PREX1: variants seen among roughly 807,000 people sequenced by gnomAD.
PREX1 encodes phosphatidylinositol-3,4,5-trisphosphate dependent Rac exchange factor 1.
Under a neutral mutation model 198.3 loss-of-function variants are expected in PREX1, and 41 were observed. The observed-to-expected ratio is 0.21, with a 90% CI of 0.16 to 0.27. The LOEUF (loss-of-function observed/expected upper bound fraction) is 0.27, where lower values mean the gene tolerates loss of function less well. PREX1 is among the 10% of genes least tolerant of loss of function. PREX1 has a pLI of 1.00. For synonymous variants in PREX1, 843 were observed against 887.2 expected (o/e 0.95, Z 0.89); for missense variants, 1,620 against 2,200.7 (o/e 0.74, Z 5.28).
In PREX1 at chr20:48,645,966, C is replaced by A. The variant is rs1380795100; in HGVS notation, c.3397G>T (p.Glu1133Ter). Reference protein sequence around the residue: ...EASSLPLVSEESEMDRSDHGG... With the variant: ...EASSLPLVSE ...TGGTCACTCCTGTCCATCTCGCTCT[C>A]TTCACTGACCAGGGGCAGGGAGGAG... is the stretch of plus-strand genomic sequence containing the variant. The change falls in exon 26 of 40, where the codon GAG becomes TAG. Residue 1133 changes from glutamate to a stop codon, truncating the protein, a stop_gained. Transcript: ENST00000371941. LOFTEE classifies it high-confidence loss of function. 1 of 1,614,140 alleles carries A rather than the reference C, an allele frequency of 6.2e-7. No individual in the cohort carries two copies. The highest frequency in any genetic ancestry group is 1.7e-5 in the Admixed American group (1 of 60,008).
At chr20:48,651,245 G>T in intron 22 of PREX1, 151 bp downstream of exon 22, 1 of 1,292,452 alleles carries the variant, frequency 7.7e-7, no homozygotes, top group Non-Finnish European at 1.0e-6. Flanking sequence ...GCTACCTAGT[G>T]GTGGGACAAG....
intron 10 of PREX1, among the ~76,000 whole-genome samples, chr20:48,685,698 G>A (rs146152051): frequency 4.5e-3 from 689 of 152,176 alleles, no homozygotes; most frequent in Non-Finnish European, 7.4e-3. Flanking sequence ...AAGCCAAGGC[G>A]AGAGCATTTG....
intron 1 of PREX1, among the ~76,000 whole-genome samples, chr20:48,760,557 T>C (rs1341206354): frequency 1.3e-5 from 2 of 152,002 alleles, no homozygotes; most frequent in African/African-American, 2.4e-5. Context: ...GGAGTAGTTG[T>C]TGAGGTTTAA....
chr20:48,880,452 C>T, the PREX1 span, among the ~76,000 whole-genome samples: 1 of 152,212 alleles, frequency 6.6e-6, no homozygotes, highest in African/African-American at 2.4e-5. Context: ...GATACGATCT[C>T]TTTCTATCAT....
chr20:48,743,538 A>G (rs919395212), intron 3 of PREX1, among the ~76,000 whole-genome samples: 2 of 152,138 alleles, frequency 1.3e-5, no homozygotes, highest in Non-Finnish European at 2.9e-5. Context: ...CACCCAGCCC[A>G]CCTGCGCCCC....
the PREX1 span, among the ~76,000 whole-genome samples, chr20:48,850,226 C>T: frequency 6.6e-6 from 1 of 152,160 alleles, no homozygotes. Flanking sequence ...TCTGGCTTTC[C>T]CATCCACTGA....
chr20:48,811,234 C>T (rs946474595), intron 1 of PREX1, among the ~76,000 whole-genome samples: 2 of 152,044 alleles, frequency 1.3e-5, no homozygotes, highest in Admixed American at 6.6e-5. Flanking sequence ...AGGCTGGTCA[C>T]GAACTCCCGA....
At chr20:48,860,805 G>C in the PREX1 span, among the ~76,000 whole-genome samples, 9 of 151,234 alleles carry the variant, frequency 6.0e-5, no homozygotes, top group African/African-American at 9.7e-5. Flanking sequence ...ACTGCACTCT[G>C]GCTGGGCGAC....
intron 3 of PREX1, among the ~76,000 whole-genome samples, chr20:48,737,708 G>T (rs548700928): frequency 6.6e-6 from 1 of 152,138 alleles, no homozygotes; most frequent in African/African-American, 2.4e-5. Context: ...GCAAGGACTC[G>T]AGCTGGAATC....
At position 48,763,888 on chromosome 20, in the gene PREX1, C is replaced by T. The variant is rs1253118751; in HGVS notation, c.220-16008G>A. On this transcript the variant is annotated intron_variant, in intron 1 of 39. Coordinates refer to ENST00000371941, the MANE Select transcript of PREX1 (RefSeq NM_020820.4). ...CAGTTTAGGGAGTGTCAACTATGTA[C>T]CCAATGCTTCCCACGATTGCCTCAT... 3.3e-5 allele frequency among the ~76,000 whole-genome samples: 5 copies of T among 152,264 alleles called. No individual in the cohort carries two copies. In the East Asian group the frequency reaches 9.6e-4, roughly 29 times the overall value.
At chr20:48,687,380 C>G (rs903426395) in intron 10 of PREX1, among the ~76,000 whole-genome samples, 1 of 152,242 alleles carries the variant, frequency 6.6e-6, no homozygotes, top group African/African-American at 2.4e-5. Flanking sequence ...CTTTCCAGCG[C>G]CTTAAAGTCC....
chr20:48,816,908 C>G (rs747876092), intron 1 of PREX1, among the ~76,000 whole-genome samples: 3 of 152,158 alleles, frequency 2.0e-5, no homozygotes, highest in Non-Finnish European at 4.4e-5. Flanking sequence ...AATTAACAGG[C>G]GTTATTTTAA....
chr20:48,737,755 C>G (rs2090063545), intron 3 of PREX1, among the ~76,000 whole-genome samples: 1 of 152,214 alleles, frequency 6.6e-6, no homozygotes, highest in Admixed American at 6.5e-5. Context: ...TGCTGTTGAA[C>G]CCCTGCCACC....
intron 15 of PREX1, among the ~76,000 whole-genome samples, chr20:48,664,350 G>A (rs558614219): frequency 6.6e-6 from 1 of 151,582 alleles, no homozygotes; most frequent in African/African-American, 2.4e-5. Flanking sequence ...ACTCCAGCCT[G>A]GGCGACAGAG....
intron 1 of PREX1, among the ~76,000 whole-genome samples, chr20:48,756,684 C>A (rs560463661): frequency 6.6e-6 from 1 of 152,180 alleles, no homozygotes; most frequent in Admixed American, 6.5e-5. Flanking sequence ...CCATCCACCC[C>A]GGGGCCTTTG....
chr20:48,782,960 C>A (rs1029041707), intron 1 of PREX1, among the ~76,000 whole-genome samples: 1 of 152,112 alleles, frequency 6.6e-6, no homozygotes, highest in Admixed American at 6.5e-5. Context: ...GCTACAGCAA[C>A]AGGCCAAGCA....
At chr20:48,649,894 G>A in intron 24 of PREX1, 102 bp downstream of exon 24, 1 of 1,347,522 alleles carries the variant, frequency 7.4e-7, no homozygotes, top group South Asian at 1.2e-5. Flanking sequence ...TGACCATGGA[G>A]CCGCCATTCC....
chr20:48,768,992 G>A (rs766190161), intron 1 of PREX1, among the ~76,000 whole-genome samples: 11 of 150,472 alleles, frequency 7.3e-5, no homozygotes, highest in South Asian at 2.1e-4. Context: ...GATTGTCACC[G>A]TCCACCCTGG....
At chr20:48,683,770 G>A (rs567436304) in intron 10 of PREX1, among the ~76,000 whole-genome samples, 19 of 152,190 alleles carry the variant, frequency 1.2e-4, no homozygotes, top group Non-Finnish European at 2.1e-4. Context: ...TGTTCATATC[G>A]AGTCCAACAT....
Sources: allele counts gnomAD v4.1 joint callset (sites outside exome capture counted in the v4.1 genomes callset), GRCh38; gene constraint gnomAD v4.1.1; transcripts MANE v1.5; gene names NCBI Gene and HGNC (gene_info 2026-07-23, HGNC 2026-07-21).